The following WWOX variants were observed in gnomAD, a reference collection of about 807,000 sequenced individuals.
WWOX encodes WW domain-containing oxidoreductase.
Under a neutral mutation model 46.2 loss-of-function variants are expected in WWOX, and 69 were observed. The observed-to-expected ratio is 1.49, with a 90% CI of 1.23 to 1.82. The LOEUF is 1.82. Ranked by LOEUF, WWOX falls within the 40% of genes most tolerant of loss-of-function variation. WWOX has a pLI of 0.00. For missense variants in WWOX, 919 were observed against 542.6 expected (o/e 1.69, Z -6.89); for synonymous variants, 359 against 202.6 (o/e 1.77, Z -6.56).
At chr16:78,686,538 T>C (rs1035916589) in intron 8 of WWOX, among the ~76,000 whole-genome samples, 5 of 150,962 alleles carry the variant, frequency 3.3e-5, no homozygotes, top group African/African-American at 1.2e-4. Flanking sequence ...CTGTTAGAAA[T>C]GCATATTTTC....
intron 8 of WWOX, among the ~76,000 whole-genome samples, chr16:78,735,443 C>A (rs1231355301): frequency 7.3e-6 from 1 of 136,440 alleles, no homozygotes; most frequent in Non-Finnish European, 1.5e-5. Context: ...GGTTCTGATT[C>A]TCTGGAGAAC....
chr16:78,412,422 G>C (rs1199537810), intron 6 of WWOX, among the ~76,000 whole-genome samples: 1 of 152,184 alleles, frequency 6.6e-6, no homozygotes, highest in Non-Finnish European at 1.5e-5. Context: ...AGTGGCTAGA[G>C]CTAAGGGTTT....
At chr16:78,123,768 T>A (rs985273817) in intron 4 of WWOX, 8 of 152,028 alleles carry the variant, frequency 5.3e-5, no homozygotes, top group Admixed American at 2.0e-4. Flanking sequence ...CTATGTTTTT[T>A]TCTAAGAATA....
chr16:78,195,013 C>G (rs895538656), intron 5 of WWOX, among the ~76,000 whole-genome samples: 3 of 152,224 alleles, frequency 2.0e-5, no homozygotes, highest in Admixed American at 6.5e-5. Context: ...CGTGGCCTTG[C>G]TGACATCTGA....
Position 78,507,767 on chromosome 16 carries a change from C to T in WWOX, c.1056+75015C>T, listed in dbSNP as rs190799537. On this transcript the variant is annotated intron_variant, in intron 8 of 8. Coordinates refer to ENST00000566780, the MANE Select transcript of WWOX (RefSeq NM_016373.4). ...CAGTCTTACTGTGCCGTGTGCTGAG[C>T]GCAGAGCCATTCTCAGCATCCTGCC... is the stretch of plus-strand genomic sequence containing the variant. 4.1e-4 allele frequency among the ~76,000 whole-genome samples: 62 copies of T among 152,172 alleles called. No homozygotes were observed. In the East Asian group the frequency reaches 0.01, roughly 26 times the overall value.
At chr16:78,610,641 C>G (rs1429791497) in intron 8 of WWOX, among the ~76,000 whole-genome samples, 1 of 152,040 alleles carries the variant, frequency 6.6e-6, no homozygotes, top group African/African-American at 2.4e-5. Context: ...TGCCCCTTCT[C>G]CTAAAGTGAA....
chr16:78,835,203 G>A (rs760597594), intron 8 of WWOX, among the ~76,000 whole-genome samples: 2 of 151,956 alleles, frequency 1.3e-5, no homozygotes, highest in African/African-American at 4.8e-5. Context: ...TATTATAGTG[G>A]CCTTCTTACC....
intron 8 of WWOX, among the ~76,000 whole-genome samples, chr16:78,805,485 GT>G (rs1567572681): frequency 6.6e-6 from 1 of 151,808 alleles, no homozygotes; most frequent in African/African-American, 2.4e-5. Context: ...GGGTTTCACA[GT>G]GTTATGCAGG....
rs368226975 is a variant in WWOX at position 78,738,934 on chromosome 16, C to T, written c.1056+306182C>T. 1.6e-4 allele frequency among the ~76,000 whole-genome samples: 25 copies of T among 152,226 alleles called. 1 individual carries two copies. The South Asian group carries it at 3.5e-3, about 22-fold the overall frequency. On this transcript the variant is annotated intron_variant, in intron 8 of 8. Coordinates refer to ENST00000566780, the MANE Select transcript of WWOX (RefSeq NM_016373.4). ...GATCATTTGCCTTCATTGCTGGGGT[C>T]CCCTAAATGCAACTTCTCATGCTGC...
intron 8 of WWOX, among the ~76,000 whole-genome samples, chr16:78,539,840 C>G (rs2043845023): frequency 6.6e-6 from 1 of 152,136 alleles, no homozygotes; most frequent in Non-Finnish European, 1.5e-5. Context: ...TTTTCTTTAT[C>G]TTGCCATTAC....
chr16:78,577,007 C>A (rs946094899), intron 8 of WWOX, among the ~76,000 whole-genome samples: 1 of 152,156 alleles, frequency 6.6e-6, no homozygotes, highest in Non-Finnish European at 1.5e-5. Context: ...AACAAATCAC[C>A]CCAAAATTCA....
intron 6 of WWOX, among the ~76,000 whole-genome samples, chr16:78,423,452 T>C (rs2082999923): frequency 6.6e-6 from 1 of 152,212 alleles, no homozygotes; most frequent in South Asian, 2.1e-4. Flanking sequence ...GATAGCCTTG[T>C]ATATATTTAT....
intron 8 of WWOX, among the ~76,000 whole-genome samples, chr16:78,812,402 A>G (rs1483177507): frequency 6.6e-6 from 1 of 152,024 alleles, no homozygotes; most frequent in Non-Finnish European, 1.5e-5. Flanking sequence ...CTTCTTGAAA[A>G]TATTTGTTAA....
intron 8 of WWOX, among the ~76,000 whole-genome samples, chr16:78,545,870 C>T (rs1471553204): frequency 6.6e-6 from 1 of 152,156 alleles, no homozygotes; most frequent in Admixed American, 6.5e-5. Context: ...CCTGGTGTCT[C>T]TTCCTCCTCT....
At chr16:78,295,360 C>A (rs956471334) in intron 5 of WWOX, among the ~76,000 whole-genome samples, 1 of 152,116 alleles carries the variant, frequency 6.6e-6, no homozygotes, top group African/African-American at 2.4e-5. Flanking sequence ...TATGCATGAT[C>A]TTAGGGGAAG....
At chr16:79,024,237 G>A (rs985535090) in intron 8 of WWOX, among the ~76,000 whole-genome samples, 1 of 152,122 alleles carries the variant, frequency 6.6e-6, no homozygotes, top group African/African-American at 2.4e-5. Flanking sequence ...CACTTTAAGT[G>A]GGTGAATTTT....
intron 8 of WWOX, among the ~76,000 whole-genome samples, chr16:79,111,492 T>G (rs149556586): frequency 6.6e-5 from 10 of 152,322 alleles, no homozygotes; most frequent in African/African-American, 2.2e-4. Context: ...CACTCGAGTA[T>G]CCTAATTATT....
intron 4 of WWOX, among the ~76,000 whole-genome samples, chr16:78,152,130 A>T (rs1029966358): frequency 6.6e-6 from 1 of 151,888 alleles, no homozygotes. Context: ...GCGGAGCTTG[A>T]AGTGAGCCGA....
intron 8 of WWOX, among the ~76,000 whole-genome samples, chr16:78,717,504 A>G (rs983827211): frequency 2.6e-5 from 4 of 152,192 alleles, no homozygotes; most frequent in African/African-American, 9.7e-5. Context: ...TATTAAGTAT[A>G]TGAACTGTTG....
Sources: gnomAD v4.1 joint callset for allele counts (sites outside exome capture counted in the v4.1 genomes callset) on GRCh38, gnomAD v4.1.1 for gene constraint, MANE v1.5 for transcripts, NCBI Gene and HGNC (gene_info 2026-07-23, HGNC 2026-07-21) for gene names.